NVL: variants seen among roughly 807,000 people sequenced by gnomAD.
NVL encodes nuclear valosin-containing protein-like.
NVL carries 84 observed loss-of-function variants against 110.2 expected under a neutral mutation model. That is an observed-to-expected ratio of 0.76 (90% CI 0.64 to 0.91). NVL has a LOEUF of 0.91. Among genes scored for constraint, NVL ranks in the 40% least tolerant of loss-of-function variants. The pLI is 0.00. For synonymous variants in NVL, 354 were observed against 361.1 expected (o/e 0.98, Z 0.22); for missense variants, 882 against 1,035.9 (o/e 0.85, Z 2.04).
chr1:224,287,785 A>G lies in NVL; in HGVS notation c.1784T>C (p.Met595Thr). 6.2e-7 allele frequency: 1 copy of G among 1,613,934 alleles called. No homozygotes were observed. The highest frequency in any genetic ancestry group is 8.5e-7 in the Non-Finnish European group (1 of 1,179,816). Residue 595 changes from methionine (M) to threonine (T), a missense_variant, in exon 14 of 23, where the codon ATG becomes ACG. Met to Thr is a moderately conservative substitution (Grantham distance 81). This residue lies in a region of NVL where 416 missense variants were observed against 499.3 expected (regional missense o/e 0.83). Coordinates refer to ENST00000281701, the MANE Select transcript of NVL (RefSeq NM_002533.4). ...ALEDIREELT[M>T]AILAPVRNPD... ...AGCTGATATACCTACCAATATTGCCATGGTGAGCTCCTCTCTAATGTCTTC... is the reference window on the plus strand; with the variant it reads ...AGCTGATATACCTACCAATATTGCCGTGGTGAGCTCCTCTCTAATGTCTTC...
chr1:224,313,140 C>T, intron 4 of NVL: 1 of 238,002 alleles, frequency 4.2e-6, no homozygotes. Flanking sequence ...GCCTGGGTGA[C>T]AGAGCGAGAC....
intron 15 of NVL, among the ~76,000 whole-genome samples, chr1:224,283,439 G>T (rs1216297341): frequency 6.6e-6 from 1 of 152,000 alleles, no homozygotes; most frequent in Non-Finnish European, 1.5e-5. Context: ...GTGAGCCAAG[G>T]TTGTGCCACT....
At position 224,304,799 on chromosome 1, in the gene NVL, C is replaced by T; in HGVS notation, c.762G>A (p.Gly254=). The T allele has an allele frequency of 1.2e-6, 2 of 1,613,868 alleles. No individual in the cohort carries two copies. Among genetic ancestry groups the T allele is most frequent in the Non-Finnish European group, 1.7e-6 (2 of 1,179,810 alleles). ...AVLQKKAKAR[G]LEFQISNVKF... ...TCACGTTGGAGATCTGGAATTCTAACCCCCTGGCTTTAGCTGGTAAACAAA... is the reference window on the plus strand; with the variant it reads ...TCACGTTGGAGATCTGGAATTCTAATCCCCTGGCTTTAGCTGGTAAACAAA... The change falls in exon 8 of 23, where the codon GGG becomes GGA. Residue 254 remains glycine (G), a synonymous_variant. Transcript: ENST00000281701.
intron 19 of NVL, among the ~76,000 whole-genome samples, chr1:224,239,872 G>A (rs566535666): frequency 2.8e-4 from 43 of 152,154 alleles, no homozygotes; most frequent in African/African-American, 9.9e-4. Flanking sequence ...ATTGTGCATC[G>A]CATCTTAGTG....
intron 19 of NVL, among the ~76,000 whole-genome samples, chr1:224,240,061 A>ATTTTTTTTTT (rs34586586): frequency 1.1e-5 from 1 of 90,932 alleles, no homozygotes. Context: ...ACGCTGGGTA[A>ATTTTTTTTTT]TTTTTTTTTT....
rs143959723 is a variant in NVL, at chr1:224,276,622, C to T, written c.1963-1164G>A. On this transcript the variant is annotated intron_variant, in intron 16 of 22. Coordinates refer to ENST00000281701, the MANE Select transcript of NVL (RefSeq NM_002533.4). ...TAATCAAGGCAAAGAGTACCACAGA[C>T]GACAGAGATTAAAGTGCTATTTTTT... 2.4e-4 allele frequency among the ~76,000 whole-genome samples: 37 copies of T among 152,218 alleles called. No individual in the cohort carries two copies. The East Asian group carries it at 2.7e-3, about 11-fold the overall frequency.
At chr1:224,300,521 G>GTAGC (rs760955726) in intron 10 of NVL, 41 bp downstream of exon 10, 1 of 1,418,630 alleles carries the variant, frequency 7.0e-7, no homozygotes, top group Admixed American at 1.8e-5. Flanking sequence ...ATATAAGCTG[G>GTAGC]TAGCGTCTGA....
chr1:224,269,462 T>C (rs1558281732), intron 17 of NVL, among the ~76,000 whole-genome samples: 1 of 152,176 alleles, frequency 6.6e-6, no homozygotes, highest in Non-Finnish European at 1.5e-5. Context: ...ATCTTTTTAG[T>C]GCAACACATA....
rs1175856173 is a variant in NVL at position 224,276,040 on chromosome 1, T to C, written c.1963-582A>G. ...AAACATTAAGATAAGTCAAGAAATA[T>C]AGCAATTCACAAGCAACTATAACAT... is the stretch of plus-strand genomic sequence containing the variant. On this transcript the variant is annotated intron_variant, in intron 16 of 22. Coordinates refer to ENST00000281701, the MANE Select transcript of NVL (RefSeq NM_002533.4). Among the ~76,000 whole-genome samples, 7 of 152,172 alleles carry C rather than the reference T, an allele frequency of 4.6e-5. No homozygotes were observed. The East Asian group carries it at 1.3e-3, about 29-fold the overall frequency.
At chr1:224,295,556 C>A (rs764714287) in intron 11 of NVL, among the ~76,000 whole-genome samples, 4 of 151,808 alleles carry the variant, frequency 2.6e-5, no homozygotes, top group Non-Finnish European at 5.9e-5. Flanking sequence ...GAATGCAGGC[C>A]TCAAAGACAT....
intron 4 of NVL, among the ~76,000 whole-genome samples, chr1:224,314,479 A>G (rs551387712): frequency 1.3e-5 from 2 of 152,348 alleles, no homozygotes; most frequent in Non-Finnish European, 2.9e-5. Flanking sequence ...GAGAAAATGA[A>G]CAAATGATTA....
intron 2 of NVL, among the ~76,000 whole-genome samples, chr1:224,323,459 A>G (rs532409499): frequency 1.7e-4 from 26 of 152,344 alleles, no homozygotes; most frequent in Non-Finnish European, 3.8e-4. Flanking sequence ...TTACCAGCAT[A>G]TGACTTATGG....
chr1:224,253,202 C>T (rs1662711577), intron 18 of NVL, among the ~76,000 whole-genome samples: 1 of 151,612 alleles, frequency 6.6e-6, no homozygotes, highest in Non-Finnish European at 1.5e-5. Flanking sequence ...GCCCCCCTGC[C>T]CCCCACGCCC....
At position 224,275,435 on chromosome 1, in the gene NVL, A is replaced by G. The variant is rs749681475; in HGVS notation, c.1986T>C (p.Ala662=). The change falls in exon 17 of 23, where the codon GCT becomes GCC. Residue 662 remains alanine (A), a synonymous_variant. Transcript: ENST00000281701. The part of the protein sequence containing the change: ...LNMYVGESER[A]VRQVFQRAKN... ...TGGCTCGTTGAAAAACTTGTCGCACAGCACGTTCACTCTCACCAACATACT... is the reference window on the plus strand; with the variant it reads ...TGGCTCGTTGAAAAACTTGTCGCACGGCACGTTCACTCTCACCAACATACT... 9 of 1,614,098 alleles carry G rather than the reference A, an allele frequency of 5.6e-6. No homozygotes were observed. The highest frequency in any genetic ancestry group is 1.3e-5 in the African/African-American group (1 of 74,940).
chr1:224,255,878 G>A (rs1479674865), intron 18 of NVL, among the ~76,000 whole-genome samples: 2 of 152,106 alleles, frequency 1.3e-5, no homozygotes, highest in African/African-American at 4.8e-5. Context: ...GATTCATTTT[G>A]AGTTATTTTT....
At position 224,309,074 on chromosome 1, in the gene NVL, A is replaced by C. The variant is rs867358024; in HGVS notation, c.343-811T>G. On this transcript the variant is annotated intron_variant, in intron 5 of 22. Coordinates refer to ENST00000281701, the MANE Select transcript of NVL (RefSeq NM_002533.4). ...GGACTCTGTCTCAACAAAAAAAAAAAAAAAAAAAGACTTCACTCCATTCCA... is the reference window on the plus strand; with the variant it reads ...GGACTCTGTCTCAACAAAAAAAAAACAAAAAAAAGACTTCACTCCATTCCA... Among the ~76,000 whole-genome samples, 579 of 151,546 alleles carry C rather than the reference A, an allele frequency of 3.8e-3. 3 individuals carry two copies. Among genetic ancestry groups the C allele is most frequent in the African/African-American group, 0.013 (544 of 41,344 alleles).
At chr1:224,318,686 A>T (rs1028254174) in intron 2 of NVL, among the ~76,000 whole-genome samples, 1 of 151,580 alleles carries the variant, frequency 6.6e-6, no homozygotes, top group African/African-American at 2.4e-5. Context: ...GTATCTCTTT[A>T]AAAAAGAATA....
chr1:224,236,635 G>C, intron 19 of NVL, 53 bp from the exon 20 acceptor site: 1 of 1,429,472 alleles, frequency 7.0e-7, no homozygotes, highest in Non-Finnish European at 9.9e-7. Flanking sequence ...ACCATGCCGG[G>C]TGCGATGGCT....
intron 10 of NVL, chr1:224,298,293 G>C: frequency 7.1e-6 from 2 of 280,904 alleles, no homozygotes; most frequent in Non-Finnish European, 6.8e-6. Context: ...TCCCACAAGT[G>C]TTACCACCAC....
Sources: allele counts gnomAD v4.1 joint callset (sites outside exome capture counted in the v4.1 genomes callset), GRCh38; gene constraint gnomAD v4.1.1; regional missense constraint gnomAD v4.1.1; transcripts MANE v1.5; gene names NCBI Gene and HGNC (gene_info 2026-07-23, HGNC 2026-07-21).